The following LTA variants were observed in gnomAD, a reference collection of about 807,000 sequenced individuals.
The protein encoded by LTA is lymphotoxin-alpha.
LTA carries 6 observed loss-of-function variants against 15.1 expected under a neutral mutation model. The ratio of observed to expected loss-of-function variants is 0.40; its 90% CI spans 0.22 to 0.78. The LOEUF is 0.78. LTA is among the 30% of genes least tolerant of loss of function. The probability of loss-of-function intolerance (pLI) is 0.38; values close to 1 mark genes in which losing one functional copy is unlikely to be tolerated. For missense variants in LTA, 173 were observed against 249.5 expected (o/e 0.69, Z 2.06); for synonymous variants, 87 against 107.3 (o/e 0.81, Z 1.17).
upstream of LTA, among the ~76,000 whole-genome samples, chr6:31,570,906 G>A (rs993437233): frequency 6.6e-6 from 1 of 152,072 alleles, no homozygotes; most frequent in African/African-American, 2.4e-5. Context: ...GGTATCAGCA[G>A]GGAGGGGGCA....
chr6:31,567,623 T>C (rs1169088151), upstream of LTA, among the ~76,000 whole-genome samples: 8 of 143,262 alleles, frequency 5.6e-5, no homozygotes, highest in Admixed American at 2.2e-4. Flanking sequence ...TCTCTCTCTC[T>C]CCCTCCCCCT....
chr6:31,572,561 C>G (rs916895699), intron 1 of LTA, 115 bp downstream of exon 1: 4 of 602,688 alleles, frequency 6.6e-6, no homozygotes, highest in Non-Finnish European at 1.2e-5. Flanking sequence ...CTTCCTGTCT[C>G]TCTCTGTCTC....
the LTA span, among the ~76,000 whole-genome samples, chr6:31,564,540 C>T: frequency 6.6e-6 from 1 of 151,934 alleles, no homozygotes; most frequent in Non-Finnish European, 1.5e-5. Context: ...GCCTCAGCCT[C>T]CCAAAGTGCT....
Position 31,573,307 on chromosome 6 carries a change from C to A in LTA, c.232C>A (p.Leu78Ile), listed in dbSNP as rs1770964429. The part of the protein sequence containing the change: ...IGDPSKQNSL[L>I]WRANTDRAFL... ...AGACCCCAGCAAGCAGAACTCACTG[C>A]TCTGGAGAGCAAACACGGACCGTGC... is the stretch of plus-strand genomic sequence containing the variant. Residue 78 changes from leucine (L) to isoleucine (I), a missense_variant, in exon 4 of 4, where the codon CTC (leucine) becomes ATC (isoleucine). By Grantham distance (5) the Leu-to-Ile change is conservative. Coordinates refer to ENST00000418386, the MANE Select transcript of LTA (RefSeq NM_000595.4). The A allele has an allele frequency of 1.9e-6, 3 of 1,613,516 alleles. No individual in the cohort carries two copies. Among genetic ancestry groups the A allele is most frequent in the Non-Finnish European group, 2.5e-6 (3 of 1,179,750 alleles).
chr6:31,566,177 CAAAA>C, the LTA span, among the ~76,000 whole-genome samples: 2 of 130,102 alleles, frequency 1.5e-5, no homozygotes, highest in South Asian at 2.5e-4. Context: ...GACGCCATCT[CAAAA>C]AAAAAAAAAA....
the LTA span, among the ~76,000 whole-genome samples, chr6:31,564,195 C>T: frequency 1.8e-4 from 28 of 152,306 alleles, no homozygotes; most frequent in Admixed American, 1.8e-3. Context: ...GAAGAAGAGG[C>T]TGTAAAACCA....
In LTA at chr6:31,573,238, A is replaced by T; in HGVS notation, c.206-43A>T. On this transcript the variant is annotated intron_variant, in intron 3 of 3. Transcript: ENST00000418386. ...CCTCAGGGATTGAGACCTCTGATCC[A>T]GACCCCTGATCTCCCACCCCCATCC... 1.9e-6 allele frequency: 3 copies of T among 1,567,616 alleles called. No homozygotes were observed. In the South Asian group the frequency reaches 3.6e-5, roughly 19 times the overall value.
chr6:31,573,225 A>G, intron 3 of LTA, 56 bp from the exon 4 acceptor site: 2 of 1,531,522 alleles, frequency 1.3e-6, no homozygotes, highest in Non-Finnish European at 1.8e-6. Context: ...TCAGGGATTG[A>G]GACCTCTGAT....
intron 1 of LTA, 110 bp from the exon 2 acceptor site, chr6:31,572,624 A>ATC (rs1184500076): frequency 7.3e-6 from 5 of 681,174 alleles, no homozygotes; most frequent in Non-Finnish European, 1.3e-5. Context: ...TTCTCTGTCG[A>ATC]TCTCTCTCTC....
At chr6:31,564,155 C>G in the LTA span, among the ~76,000 whole-genome samples, 1 of 152,172 alleles carries the variant, frequency 6.6e-6, no homozygotes, top group African/African-American at 2.4e-5. Context: ...GAGGTACAAC[C>G]TTACTCCTGG....
upstream of LTA, among the ~76,000 whole-genome samples, chr6:31,567,163 C>T (rs944325628): frequency 3.9e-5 from 6 of 152,004 alleles, no homozygotes; most frequent in East Asian, 5.8e-4. Flanking sequence ...GGAATGGTGG[C>T]ATGCACCTGT....
upstream of LTA, among the ~76,000 whole-genome samples, chr6:31,568,975 A>T (rs1180572927): frequency 6.6e-6 from 1 of 151,174 alleles, no homozygotes; most frequent in Non-Finnish European, 1.5e-5. The surrounding 1 kb of genome is among the most constrained non-coding windows in gnomAD (Gnocchi z 4.1). Flanking sequence ...TAATTGCAAT[A>T]CCTTTTTTTG....
the LTA span, among the ~76,000 whole-genome samples, chr6:31,563,413 C>T: frequency 8.5e-5 from 13 of 152,212 alleles, no homozygotes; most frequent in East Asian, 9.6e-4. Context: ...ATCAGAGGCA[C>T]GGAGATTTAG....
At chr6:31,572,657 C>CTTAATAA in intron 1 of LTA, 77 bp from the exon 2 acceptor site, 1 of 1,018,516 alleles carries the variant, frequency 9.8e-7, no homozygotes. Flanking sequence ...GTGCTCTCTC[C>CTTAATAA]CAGGGCGGGA....
At chr6:31,566,642 GAAAAAAAA>G in the LTA span, among the ~76,000 whole-genome samples, 21 of 122,976 alleles carry the variant, frequency 1.7e-4, no homozygotes, top group African/African-American at 5.0e-4. Flanking sequence ...TGTCTTAAAA[GAAAAAAAA>G]AAAAAAAAAA....
chr6:31,562,619 CTG>C, the LTA span, among the ~76,000 whole-genome samples: 2,611 of 152,280 alleles, frequency 0.017, 62 homozygotes, highest in African/African-American at 0.059. Flanking sequence ...AATCCCAGCA[CTG>C]TGGGAGGCCA....
At chr6:31,572,683 G>T in intron 1 of LTA, 51 bp from the exon 2 acceptor site, 1 of 1,393,904 alleles carries the variant, frequency 7.2e-7, no homozygotes, top group African/African-American at 1.4e-5. Context: ...GTCTTCCGCC[G>T]CGTGCCCCGC....
At chr6:31,562,904 T>TAATCCCAG in the LTA span, among the ~76,000 whole-genome samples, 1 of 146,464 alleles carries the variant, frequency 6.8e-6, no homozygotes, top group African/African-American at 2.5e-5. Flanking sequence ...CTCACCCTTG[T>TAATCCCAG]AATCCCAGCG....
chr6:31,565,597 A>T, the LTA span, among the ~76,000 whole-genome samples: 1 of 152,134 alleles, frequency 6.6e-6, no homozygotes, highest in African/African-American at 2.4e-5. Context: ...GTATCTGCCC[A>T]GTGGCATCTC....
Sources: gnomAD v4.1 joint callset for allele counts (sites outside exome capture counted in the v4.1 genomes callset) on GRCh38, gnomAD v4.1.1 for gene constraint, Gnocchi (gnomAD v3.1) non-coding constraint, MANE v1.5 for transcripts, NCBI Gene and HGNC (gene_info 2026-07-23, HGNC 2026-07-21) for gene names.